DLGAP2: variants seen among roughly 807,000 people sequenced by gnomAD.
DLGAP2 encodes the protein DLG associated protein 2, also known as disks large-associated protein 2.
Under a neutral mutation model 100.3 loss-of-function variants are expected in DLGAP2, and 26 were observed. That is an observed-to-expected ratio of 0.26 (90% CI 0.19 to 0.36). DLGAP2 has a LOEUF of 0.36. DLGAP2 is among the 10% of genes least tolerant of loss of function. The probability of loss-of-function intolerance (pLI) is 1.00; values close to 1 mark genes in which losing one functional copy is unlikely to be tolerated. For synonymous variants in DLGAP2, 886 were observed against 630.1 expected, an observed-to-expected ratio of 1.41 and a Z score of -6.08; for missense variants, 1,858 against 1,453.2, an observed-to-expected ratio of 1.28 and a Z score of -4.53.
At chr8:1,367,852 A>G (rs1236932792) in intron 3 of DLGAP2, among the ~76,000 whole-genome samples, 1 of 152,244 alleles carries the variant, frequency 6.6e-6, no homozygotes, top group Non-Finnish European at 1.5e-5. Context: ...TTATCTAGAC[A>G]TAAATCATAT....
chr8:1,499,229 C>G (rs186617430), intron 3 of DLGAP2, among the ~76,000 whole-genome samples: 2 of 152,358 alleles, frequency 1.3e-5, no homozygotes, highest in East Asian at 3.9e-4. Flanking sequence ...AACTCCATGC[C>G]TGTTGCTGCT....
At chr8:1,253,187 G>A (rs57671390) in intron 2 of DLGAP2, among the ~76,000 whole-genome samples, 15,076 of 152,252 alleles carry the variant, frequency 0.099, 1,910 homozygotes, top group African/African-American at 0.29. Flanking sequence ...CCCCAGCAAC[G>A]CTGAGCTTGG....
intron 5 of DLGAP2, among the ~76,000 whole-genome samples, chr8:1,556,663 C>A (rs920234914): frequency 5.3e-5 from 8 of 152,148 alleles, no homozygotes; most frequent in African/African-American, 1.9e-4. Flanking sequence ...TTAAGTTATC[C>A]CTTGTCTGTC....
At chr8:863,969 G>T (rs1234714957) in intron 1 of DLGAP2, among the ~76,000 whole-genome samples, 1 of 152,178 alleles carries the variant, frequency 6.6e-6, no homozygotes, top group Non-Finnish European at 1.5e-5. Context: ...TCCATCAACA[G>T]GTGAATGGAT....
chr8:979,357 G>C (rs552998905), intron 2 of DLGAP2, among the ~76,000 whole-genome samples: 1 of 152,354 alleles, frequency 6.6e-6, no homozygotes, highest in East Asian at 1.9e-4. Context: ...CCACAAGGGA[G>C]AAATTGAGTA....
At chr8:856,708 C>G (rs1797285215) in intron 1 of DLGAP2, among the ~76,000 whole-genome samples, 1 of 152,192 alleles carries the variant, frequency 6.6e-6, no homozygotes, top group South Asian at 2.1e-4. Flanking sequence ...CTACAAAACT[C>G]TGTTGAAAGA....
At chr8:1,665,465 G>A (rs1415098976) in intron 8 of DLGAP2, among the ~76,000 whole-genome samples, 6 of 152,186 alleles carry the variant, frequency 3.9e-5, no homozygotes, top group African/African-American at 9.7e-5. Context: ...GGTGAACCTC[G>A]CTGGGAAAAT....
chr8:1,293,485 C>A (rs1413292518), intron 3 of DLGAP2, among the ~76,000 whole-genome samples: 3 of 152,248 alleles, frequency 2.0e-5, no homozygotes, highest in Non-Finnish European at 4.4e-5. Context: ...TGCAGCTCAT[C>A]TCAGTGAGAT....
chr8:1,243,617 C>A (rs962561008), intron 2 of DLGAP2, among the ~76,000 whole-genome samples: 1 of 152,106 alleles, frequency 6.6e-6, no homozygotes, highest in Non-Finnish European at 1.5e-5. Flanking sequence ...GTTTGGACCC[C>A]TCTTCTTCCC....
At chr8:863,940 A>C (rs940727752) in intron 1 of DLGAP2, among the ~76,000 whole-genome samples, 11 of 152,292 alleles carry the variant, frequency 7.2e-5, no homozygotes, top group African/African-American at 2.6e-4. Flanking sequence ...ACAGCCCAGA[A>C]ACGGAATCAG....
chr8:1,496,053 A>T (rs1799536921), intron 3 of DLGAP2, among the ~76,000 whole-genome samples: 1 of 152,164 alleles, frequency 6.6e-6, no homozygotes, highest in Admixed American at 6.5e-5. Flanking sequence ...AGCCTGCCTG[A>T]TACATAGAGA....
chr8:857,177 T>C (rs1797294767), intron 1 of DLGAP2, among the ~76,000 whole-genome samples: 1 of 152,170 alleles, frequency 6.6e-6, no homozygotes, highest in South Asian at 2.1e-4. Flanking sequence ...TGCAACAAAA[T>C]GAACCCAGAA....
rs568141485 is a variant in DLGAP2, at chr8:1,165,963, G to T, written c.74-92888G>T. 1.8e-3 allele frequency among the ~76,000 whole-genome samples: 270 copies of T among 152,220 alleles called. 1 individual carries two copies. The highest frequency in any genetic ancestry group is 6.4e-3 in the African/African-American group (265 of 41,544). Reference sequence around the variant, plus strand: ...CATTATCCAGTTTCTTGTAGTTGCTGTTGACTTTTTTCTTCCAGTAATATT... The same window carrying T: ...CATTATCCAGTTTCTTGTAGTTGCTTTTGACTTTTTTCTTCCAGTAATATT... On this transcript the variant is annotated intron_variant, in intron 2 of 14. Transcript: ENST00000637795.
chr8:1,282,572 A>G (rs1264937341), intron 3 of DLGAP2, among the ~76,000 whole-genome samples: 5 of 89,530 alleles, frequency 5.6e-5, no homozygotes, highest in African/African-American at 8.9e-5. Context: ...AACCCAGCAC[A>G]TGAACCATCT....
At chr8:1,565,234 C>T (rs1352839180) in intron 5 of DLGAP2, among the ~76,000 whole-genome samples, 2 of 152,136 alleles carry the variant, frequency 1.3e-5, no homozygotes, top group Non-Finnish European at 2.9e-5. Context: ...AGATTTAAAA[C>T]CGTCCTCTTT....
intron 7 of DLGAP2, among the ~76,000 whole-genome samples, chr8:1,632,329 A>G (rs1797667254): frequency 6.6e-6 from 1 of 152,208 alleles, no homozygotes; most frequent in Non-Finnish European, 1.5e-5. Flanking sequence ...TGCCATGGCA[A>G]TGGGTAGAAG....
At chr8:1,469,728 G>A (rs1385671527) in intron 3 of DLGAP2, among the ~76,000 whole-genome samples, 3 of 152,230 alleles carry the variant, frequency 2.0e-5, no homozygotes, top group African/African-American at 7.2e-5. Flanking sequence ...ATTATTTGTT[G>A]CCCTAAATAA....
At chr8:1,224,712 ATAATAG>A (rs1798380533) in intron 2 of DLGAP2, among the ~76,000 whole-genome samples, 1 of 152,252 alleles carries the variant, frequency 6.6e-6, no homozygotes, top group Admixed American at 6.5e-5. Flanking sequence ...TATAGTGTCT[ATAATAG>A]TTGAAGAACT....
intron 4 of DLGAP2, among the ~76,000 whole-genome samples, chr8:1,527,056 C>G (rs1281020948): frequency 6.6e-6 from 1 of 151,958 alleles, no homozygotes; most frequent in African/African-American, 2.4e-5. Flanking sequence ...ATCCAACCCT[C>G]TCCTGCGAGC....
Sources: allele counts gnomAD v4.1 joint callset (sites outside exome capture counted in the v4.1 genomes callset), GRCh38; gene constraint gnomAD v4.1.1; transcripts MANE v1.5; gene names NCBI Gene and HGNC (gene_info 2026-07-23, HGNC 2026-07-21).